Variants in EPHA3 observed in about 807,000 individuals in gnomAD.
The protein encoded by EPHA3 is ephrin type-A receptor 3.
In EPHA3, 42 loss-of-function variants were observed where a neutral mutation model predicts 107.1. The observed-to-expected ratio is 0.39, with a 90% CI of 0.31 to 0.51. The LOEUF (loss-of-function observed/expected upper bound fraction) is 0.51. EPHA3 is among the 20% of genes least tolerant of loss of function. The pLI, the probability that EPHA3 is intolerant of heterozygous loss-of-function variation, is 0.78. For synonymous variants in EPHA3, 461 were observed against 424.8 expected, an observed-to-expected ratio of 1.09 and a Z score of -1.05; for missense variants, 1,183 against 1,211.2, an observed-to-expected ratio of 0.98 and a Z score of 0.35.
intron 1 of EPHA3, among the ~76,000 whole-genome samples, chr3:89,125,684 A>C (rs1216971586): frequency 6.6e-6 from 1 of 151,662 alleles, no homozygotes; most frequent in East Asian, 1.9e-4. Context: ...AGGAATTATA[A>C]TATAAAAGGT....
intron 2 of EPHA3, among the ~76,000 whole-genome samples, chr3:89,149,448 T>C (rs1257924871): frequency 6.6e-6 from 1 of 151,998 alleles, no homozygotes; most frequent in East Asian, 1.9e-4. Flanking sequence ...GCTTGGTGTA[T>C]ATTAAAAACT....
At chr3:89,451,384 GTAAT>G (rs953510821) in intron 15 of EPHA3, among the ~76,000 whole-genome samples, 13 of 152,108 alleles carry the variant, frequency 8.5e-5, no homozygotes, top group African/African-American at 2.9e-4. Flanking sequence ...GCCTCTCAGA[GTAAT>G]TAAAGGCAAA....
At chr3:89,120,566 GAGAA>G (rs1244215134) in intron 1 of EPHA3, among the ~76,000 whole-genome samples, 2 of 152,124 alleles carry the variant, frequency 1.3e-5, no homozygotes, top group Non-Finnish European at 2.9e-5. Context: ...CTGATTAAAA[GAGAA>G]AGAAAGAAAA....
At chr3:89,306,902 C>G (rs1706637634) in intron 3 of EPHA3, among the ~76,000 whole-genome samples, 1 of 152,086 alleles carries the variant, frequency 6.6e-6, no homozygotes, top group African/African-American at 2.4e-5. Flanking sequence ...TTCATGGTTT[C>G]TTTGGTTAGG....
At chr3:89,419,531 C>T (rs541020919) in intron 11 of EPHA3, 141 bp downstream of exon 11, 29 of 638,652 alleles carry the variant, frequency 4.5e-5, no homozygotes, top group African/African-American at 4.1e-4. Flanking sequence ...GAATAGCATG[C>T]CTTTCTTTGA....
chr3:89,330,179 TA>T (rs1707254518), intron 3 of EPHA3, among the ~76,000 whole-genome samples: 1 of 151,944 alleles, frequency 6.6e-6, no homozygotes, highest in South Asian at 2.1e-4. Context: ...CAGGATACCT[TA>T]AGTAGAAACC....
At chr3:89,203,862 G>T (rs1191106894) in intron 2 of EPHA3, among the ~76,000 whole-genome samples, 3 of 152,048 alleles carry the variant, frequency 2.0e-5, no homozygotes, top group Admixed American at 6.6e-5. Flanking sequence ...GCTACTTCAG[G>T]TCTTCTCTCA....
intron 13 of EPHA3, among the ~76,000 whole-genome samples, chr3:89,444,505 T>C (rs901914443): frequency 6.6e-6 from 1 of 152,126 alleles, no homozygotes; most frequent in Non-Finnish European, 1.5e-5. Context: ...AATTTCTTTT[T>C]ATCTGATTTA....
chr3:89,410,159 T>C (rs545456581), intron 9 of EPHA3, among the ~76,000 whole-genome samples: 1 of 152,088 alleles, frequency 6.6e-6, no homozygotes, highest in East Asian at 1.9e-4. Flanking sequence ...GGGGTGTATA[T>C]GTTTATGTTT....
At chr3:89,335,060 T>A (rs557557226) in intron 3 of EPHA3, among the ~76,000 whole-genome samples, 3 of 152,212 alleles carry the variant, frequency 2.0e-5, no homozygotes, top group Non-Finnish European at 4.4e-5. Context: ...GATCTCCTTT[T>A]TAAAAGCTGG....
chr3:89,221,528 G>A (rs1375853145), intron 3 of EPHA3, among the ~76,000 whole-genome samples: 1 of 151,962 alleles, frequency 6.6e-6, no homozygotes, highest in East Asian at 1.9e-4. Context: ...CTTCTAAAAT[G>A]TATTTTATTG....
At chr3:89,137,419 T>C (rs988158968) in intron 2 of EPHA3, among the ~76,000 whole-genome samples, 9 of 151,992 alleles carry the variant, frequency 5.9e-5, no homozygotes, top group African/African-American at 2.2e-4. Context: ...TACACTCTGG[T>C]GCTTAGTTTC....
chr3:89,429,222 A>C (rs1429019334), intron 12 of EPHA3, 55 bp downstream of exon 12: 1 of 1,368,564 alleles, frequency 7.3e-7, no homozygotes, highest in African/African-American at 1.4e-5. Flanking sequence ...AAAACATTAG[A>C]GACACCCTCC....
intron 15 of EPHA3, among the ~76,000 whole-genome samples, chr3:89,466,602 G>T (rs1249192477): frequency 7.8e-6 from 1 of 128,632 alleles, no homozygotes; most frequent in East Asian, 2.1e-4. Context: ...TTCCAGGTGC[G>T]TCCGTCACCC....
chr3:89,338,354 C>T (rs756757571), intron 3 of EPHA3, among the ~76,000 whole-genome samples: 1 of 152,184 alleles, frequency 6.6e-6, no homozygotes, highest in Non-Finnish European at 1.5e-5. Context: ...TGATCTTTCT[C>T]AAATGGCGCT....
At chr3:89,201,551 G>A (rs962522416) in intron 2 of EPHA3, among the ~76,000 whole-genome samples, 1 of 152,156 alleles carries the variant, frequency 6.6e-6, no homozygotes, top group African/African-American at 2.4e-5. Context: ...GCTCCTTAAA[G>A]TGTTTACTTT....
intron 5 of EPHA3, among the ~76,000 whole-genome samples, chr3:89,376,312 AT>A (rs1708401936): frequency 1.3e-5 from 2 of 151,710 alleles, no homozygotes; most frequent in African/African-American, 4.8e-5. Context: ...ATGATTAGTA[AT>A]TGAGCTTTAT....
At chr3:89,335,049 T>A (rs1707364600) in intron 3 of EPHA3, among the ~76,000 whole-genome samples, 2 of 152,210 alleles carry the variant, frequency 1.3e-5, no homozygotes, top group South Asian at 4.1e-4. Flanking sequence ...GATATGAAAC[T>A]GATCTCCTTT....
intron 1 of EPHA3, among the ~76,000 whole-genome samples, chr3:89,114,027 C>T (rs192991322): frequency 2.4e-4 from 36 of 152,204 alleles, no homozygotes; most frequent in Admixed American, 2.0e-3. Context: ...CCAGTCAAAG[C>T]AAAGGGTGAA....
Sources: allele counts gnomAD v4.1 joint callset (sites outside exome capture counted in the v4.1 genomes callset), GRCh38; gene constraint gnomAD v4.1.1; transcripts MANE v1.5; gene names NCBI Gene and HGNC (gene_info 2026-07-23, HGNC 2026-07-21).